Variants in C4orf36 observed in about 807,000 individuals in gnomAD.
C4orf36 encodes uncharacterized protein C4orf36.
In C4orf36, 11 loss-of-function variants were observed where a neutral mutation model predicts 12.2. The observed-to-expected ratio is 0.90, with a 90% CI of 0.57 to 1.49. C4orf36 has a LOEUF of 1.49. Among genes scored for constraint, C4orf36 ranks in the 40% most tolerant of loss-of-function variants. The pLI is 0.00. For synonymous variants in C4orf36, 54 were observed against 51.3 expected (o/e 1.05, Z -0.22); for missense variants, 137 against 133.9 (o/e 1.02, Z -0.11).
the C4orf36 span, chr4:86,913,659 GC>G: frequency 6.3e-7 from 1 of 1,595,142 alleles, no homozygotes; most frequent in African/African-American, 1.3e-5. Context: ...TGAGGCATCA[GC>G]AACAGACATG....
upstream of C4orf36, among the ~76,000 whole-genome samples, chr4:86,893,881 T>C (rs1468460441): frequency 7.2e-6 from 1 of 138,938 alleles, no homozygotes; most frequent in African/African-American, 3.2e-5. Context: ...TATTTATTTA[T>C]TTATTTATTT....
the C4orf36 span, among the ~76,000 whole-genome samples, chr4:86,901,276 C>T: frequency 2.6e-5 from 4 of 152,080 alleles, no homozygotes; most frequent in Non-Finnish European, 2.9e-5. Context: ...GCCACTGAGC[C>T]CGGCCAATGG....
chr4:86,901,054 G>A, the C4orf36 span, among the ~76,000 whole-genome samples: 84 of 149,262 alleles, frequency 5.6e-4, no homozygotes, highest in African/African-American at 2.0e-3. Flanking sequence ...GTGCAATCTC[G>A]GCTCACCACA....
the C4orf36 span, among the ~76,000 whole-genome samples, chr4:86,922,343 C>T: frequency 6.6e-6 from 1 of 152,062 alleles, no homozygotes; most frequent in African/African-American, 2.4e-5. Context: ...GTCCAATAAT[C>T]ATACATATAG....
At chr4:86,901,141 C>G in the C4orf36 span, among the ~76,000 whole-genome samples, 3 of 152,050 alleles carry the variant, frequency 2.0e-5, no homozygotes, top group Non-Finnish European at 2.9e-5. Context: ...CATGCCACCA[C>G]ACCCGGCTAA....
At chr4:86,919,315 C>CTTTTTTTTTTTTTTT in the C4orf36 span, among the ~76,000 whole-genome samples, 1 of 81,354 alleles carries the variant, frequency 1.2e-5, no homozygotes, top group Non-Finnish European at 2.1e-5. Context: ...TTTTTTCCCC[C>CTTTTTTTTTTTTTTT]TTTTTTTTTT....
the C4orf36 span, among the ~76,000 whole-genome samples, chr4:86,906,228 T>C: frequency 6.6e-6 from 1 of 152,264 alleles, no homozygotes; most frequent in South Asian, 2.1e-4. Flanking sequence ...AAAATCAATG[T>C]TTATTAAAGA....
At chr4:86,898,896 G>A in the C4orf36 span, among the ~76,000 whole-genome samples, 3 of 152,094 alleles carry the variant, frequency 2.0e-5, no homozygotes, top group Admixed American at 1.3e-4. Context: ...ACAAGAGGCC[G>A]AGTGCTCTGA....
At chr4:86,889,504 A>T (rs1246949188) in intron 2 of C4orf36, among the ~76,000 whole-genome samples, 1 of 152,232 alleles carries the variant, frequency 6.6e-6, no homozygotes, top group Admixed American at 6.5e-5. Context: ...AGCACCTACT[A>T]CTAGGCACTG....
the C4orf36 span, among the ~76,000 whole-genome samples, chr4:86,929,943 T>G: frequency 6.6e-6 from 1 of 152,170 alleles, no homozygotes; most frequent in Non-Finnish European, 1.5e-5. Context: ...TTAGATACAT[T>G]GAATTTATTT....
At chr4:86,879,079 G>T (rs972408167) in intron 4 of C4orf36, among the ~76,000 whole-genome samples, 1 of 152,168 alleles carries the variant, frequency 6.6e-6, no homozygotes, top group South Asian at 2.1e-4. Flanking sequence ...GGGGGTTTTG[G>T]TTTTTTTGTT....
the C4orf36 span, among the ~76,000 whole-genome samples, chr4:86,901,238 T>A: frequency 6.6e-6 from 1 of 151,918 alleles, no homozygotes; most frequent in African/African-American, 2.4e-5. Flanking sequence ...TGCCTCGGCC[T>A]CCCAAAGTGC....
chr4:86,935,689 G>C, the C4orf36 span: 1 of 152,214 alleles, frequency 6.6e-6, no homozygotes, highest in Non-Finnish European at 1.5e-5. Flanking sequence ...ACCCTTCCCT[G>C]TGCCTGTCGT....
At chr4:86,914,075 C>T in the C4orf36 span, 3 of 1,610,260 alleles carry the variant, frequency 1.9e-6, no homozygotes, top group Non-Finnish European at 2.5e-6. Context: ...AGCGAATTGG[C>T]TTTTTAATGT....
rs1029952678 is a variant in C4orf36, at chr4:86,892,364, G to A, written c.-255C>T. Reference sequence around the variant, plus strand: ...GCTAAGCGCACATGGCCGCGCACACGCCTCGGGGCCGCGCCGCAGGCACAC... The same window carrying A: ...GCTAAGCGCACATGGCCGCGCACACACCTCGGGGCCGCGCCGCAGGCACAC... On this transcript the variant is annotated 5_prime_UTR_variant, in exon 1 of 5. Coordinates refer to ENST00000295898, the MANE Select transcript of C4orf36 (RefSeq NM_144645.4). 4 of 985,284 alleles carry A rather than the reference G, an allele frequency of 4.1e-6. No homozygotes were observed. Among genetic ancestry groups the A allele is most frequent in the Admixed American group, 6.1e-5 (1 of 16,268 alleles). The allele number at this position is 985,284 out of a possible 1,614,324, so 61.0% of individuals were successfully genotyped here.
upstream of C4orf36, among the ~76,000 whole-genome samples, chr4:86,895,640 T>C (rs1184803209): frequency 6.6e-6 from 1 of 152,246 alleles, no homozygotes; most frequent in East Asian, 1.9e-4. Context: ...AGAAGGTGGA[T>C]GTCCAAAAGA....
chr4:86,892,076 G>A (rs13151671), intron 1 of C4orf36, 107 bp downstream of exon 1: 79,770 of 985,756 alleles, frequency 0.081, 3,417 homozygotes, highest in Non-Finnish European at 0.088. Context: ...TCCCCGGACG[G>A]ACGCGCAGGG....
At chr4:86,902,447 GA>G in the C4orf36 span, among the ~76,000 whole-genome samples, 6 of 130,256 alleles carry the variant, frequency 4.6e-5, no homozygotes, top group African/African-American at 1.8e-4. Context: ...AAAAAAGAAA[GA>G]AAGAAAGAAA....
the C4orf36 span, among the ~76,000 whole-genome samples, chr4:86,905,197 A>G: frequency 6.7e-6 from 1 of 150,212 alleles, no homozygotes; most frequent in Non-Finnish European, 1.5e-5. Context: ...ACATGGTGAA[A>G]TTCTGTCTCT....
Sources: allele counts gnomAD v4.1 joint callset (sites outside exome capture counted in the v4.1 genomes callset), GRCh38; gene constraint gnomAD v4.1.1; transcripts MANE v1.5; gene names NCBI Gene and HGNC (gene_info 2026-07-23, HGNC 2026-07-21).